GAS2: variants seen among roughly 807,000 people sequenced by gnomAD.
GAS2 encodes the protein growth arrest-specific protein 2.
GAS2 carries 20 observed loss-of-function variants against 37.5 expected under a neutral mutation model. The ratio of observed to expected loss-of-function variants is 0.53; its 90% CI spans 0.37 to 0.77. The LOEUF (loss-of-function observed/expected upper bound fraction) is 0.77. GAS2 is among the 30% of genes least tolerant of loss of function. The pLI is 0.00. For missense variants in GAS2, 336 were observed against 373.4 expected (o/e 0.90, Z 0.82); for synonymous variants, 144 against 132.2 (o/e 1.09, Z -0.61).
chr11:22,778,392 A>G (rs1020428304), intron 7 of GAS2, among the ~76,000 whole-genome samples: 5 of 152,230 alleles, frequency 3.3e-5, no homozygotes, highest in African/African-American at 7.2e-5. Flanking sequence ...ATTCTTTCTC[A>G]GTAAGCAAAT....
chr11:22,693,770 C>T (rs572204577), intron 3 of GAS2, among the ~76,000 whole-genome samples: 26 of 152,288 alleles, frequency 1.7e-4, no homozygotes, highest in African/African-American at 6.3e-4. Flanking sequence ...GTAAACAGAT[C>T]AGGTCCCTTT....
chr11:22,771,050 C>G (rs1389460862), intron 7 of GAS2, among the ~76,000 whole-genome samples: 1 of 151,762 alleles, frequency 6.6e-6, no homozygotes, highest in Non-Finnish European at 1.5e-5. Context: ...GGCCTTCAAT[C>G]AGTTGAGGGA....
chr11:22,736,501 T>C (rs1442891359), intron 4 of GAS2, among the ~76,000 whole-genome samples: 1 of 152,016 alleles, frequency 6.6e-6, no homozygotes, highest in Non-Finnish European at 1.5e-5. Context: ...CATTTGGATG[T>C]CTCCTTAAAA....
intron 3 of GAS2, among the ~76,000 whole-genome samples, chr11:22,695,320 A>C (rs1850446782): frequency 7.0e-6 from 1 of 143,048 alleles, no homozygotes; most frequent in African/African-American, 2.7e-5. Flanking sequence ...ACTCCTTCTC[A>C]AAAAGAAAAA....
chr11:22,644,274 A>G (rs2133821422), intron 1 of GAS2, among the ~76,000 whole-genome samples: 1 of 152,264 alleles, frequency 6.6e-6, no homozygotes, highest in South Asian at 2.1e-4. Context: ...GTCAAGGAGC[A>G]TTTTCCCCAG....
intron 4 of GAS2, among the ~76,000 whole-genome samples, chr11:22,726,726 T>A (rs137921920): frequency 6.6e-6 from 1 of 152,026 alleles, no homozygotes; most frequent in Non-Finnish European, 1.5e-5. Context: ...TGGTGCAAAA[T>A]TGTGGATATT....
chr11:22,754,601 T>A (rs1283597870), intron 6 of GAS2, among the ~76,000 whole-genome samples: 1 of 103,156 alleles, frequency 9.7e-6, no homozygotes, highest in South Asian at 3.2e-4. Flanking sequence ...ATTTCAGGGT[T>A]TTTTTCCTTT....
intron 1 of GAS2, among the ~76,000 whole-genome samples, chr11:22,628,516 A>C (rs753311333): frequency 7.9e-5 from 12 of 152,206 alleles, no homozygotes; most frequent in Non-Finnish European, 1.6e-4. Context: ...AAAAAGGCCA[A>C]ATTTCAGCAG....
intron 3 of GAS2, among the ~76,000 whole-genome samples, chr11:22,725,760 T>C (rs1293304662): frequency 2.6e-5 from 4 of 152,108 alleles, no homozygotes; most frequent in African/African-American, 4.8e-5. Context: ...CATTTCCCTT[T>C]CTTGGTATTG....
At chr11:22,667,495 C>T (rs1034671857) in intron 1 of GAS2, among the ~76,000 whole-genome samples, 2 of 152,162 alleles carry the variant, frequency 1.3e-5, no homozygotes, top group Non-Finnish European at 2.9e-5. Flanking sequence ...TAAACAAACG[C>T]TAGCCGATAT....
At chr11:22,714,921 C>T (rs1851589856) in intron 3 of GAS2, among the ~76,000 whole-genome samples, 1 of 152,014 alleles carries the variant, frequency 6.6e-6, no homozygotes, top group African/African-American at 2.4e-5. Context: ...TGAAAGAACA[C>T]AAATAGACAA....
chr11:22,646,620 C>A (rs1565064586), intron 1 of GAS2, among the ~76,000 whole-genome samples: 1 of 152,300 alleles, frequency 6.6e-6, no homozygotes, highest in East Asian at 1.9e-4. Context: ...AAACAAAAAT[C>A]TATTTTGAGA....
At position 22,705,914 on chromosome 11, in the gene GAS2, G is replaced by A. The variant is rs138817267; in HGVS notation, c.267+20125G>A. ...TTTTAGATTATTCTGAAGCAGAATG[G>A]GAATAAGCAAGGCAGAGAGGGAATA... On this transcript the variant is annotated intron_variant, in intron 3 of 7. Transcript: ENST00000454584. Among the ~76,000 whole-genome samples, 462 of 152,292 alleles carry A rather than the reference G, an allele frequency of 3.0e-3. 1 individual carries two copies. Among genetic ancestry groups the A allele is most frequent in the African/African-American group, 0.01 (428 of 41,566 alleles).
chr11:22,631,206 T>G (rs1368235534), intron 1 of GAS2, among the ~76,000 whole-genome samples: 3 of 152,198 alleles, frequency 2.0e-5, no homozygotes, highest in African/African-American at 7.2e-5. Context: ...CTAAATTCAT[T>G]TATCAAATCT....
intron 4 of GAS2, among the ~76,000 whole-genome samples, chr11:22,728,498 T>C (rs913914387): frequency 2.6e-5 from 4 of 151,552 alleles, no homozygotes; most frequent in South Asian, 2.1e-4. Flanking sequence ...TTTGAAAAAA[T>C]ATATTCTGAC....
chr11:22,775,581 T>C (rs910845841), intron 7 of GAS2, among the ~76,000 whole-genome samples: 1 of 152,146 alleles, frequency 6.6e-6, no homozygotes, highest in African/African-American at 2.4e-5. Flanking sequence ...TAGAATAAAA[T>C]TGTGGGCTAC....
At chr11:22,794,524 C>G (rs149424831) in intron 7 of GAS2, among the ~76,000 whole-genome samples, 1 of 152,110 alleles carries the variant, frequency 6.6e-6, no homozygotes, top group South Asian at 2.1e-4. Flanking sequence ...CCCCTTCCCC[C>G]ACTCACCACA....
chr11:22,675,934 C>T (rs1303028666), intron 2 of GAS2, among the ~76,000 whole-genome samples: 1 of 152,136 alleles, frequency 6.6e-6, no homozygotes, highest in African/African-American at 2.4e-5. Flanking sequence ...CAAGGTTTGG[C>T]AGAAGTTTAG....
chr11:22,689,831 CAT>C (rs1342975583), intron 3 of GAS2, among the ~76,000 whole-genome samples: 32 of 152,220 alleles, frequency 2.1e-4, no homozygotes, highest in Admixed American at 1.2e-3. Flanking sequence ...TGTGTACACT[CAT>C]GTGTTCATGT....
Sources: allele counts gnomAD v4.1 joint callset (sites outside exome capture counted in the v4.1 genomes callset), GRCh38; gene constraint gnomAD v4.1.1; transcripts MANE v1.5; gene names NCBI Gene and HGNC (gene_info 2026-07-23, HGNC 2026-07-21).